The following L3MBTL4 variants were observed in gnomAD, a reference collection of about 807,000 sequenced individuals.
L3MBTL4 encodes lethal(3)malignant brain tumor-like protein 4.
L3MBTL4 carries 70 observed loss-of-function variants against 84.5 expected under a neutral mutation model. The observed-to-expected ratio is 0.83, with a 90% confidence interval of 0.68 to 1.01. L3MBTL4 has a LOEUF of 1.01. Among genes scored for constraint, L3MBTL4 ranks in the 50% least tolerant of loss-of-function variants. The pLI, the probability that L3MBTL4 is intolerant of heterozygous loss-of-function variation, is 0.00. For missense variants in L3MBTL4, 715 were observed against 754.8 expected, an observed-to-expected ratio of 0.95 and a Z score of 0.62; for synonymous variants, 274 against 259.8, an observed-to-expected ratio of 1.05 and a Z score of -0.52.
At chr18:6,222,961 A>G (rs1289593363) in intron 10 of L3MBTL4, among the ~76,000 whole-genome samples, 3 of 147,628 alleles carry the variant, frequency 2.0e-5, no homozygotes, top group Non-Finnish European at 3.0e-5. Context: ...ATAATATAAT[A>G]TAATATAATA....
At chr18:6,056,315 A>C (rs181790369) in intron 16 of L3MBTL4, among the ~76,000 whole-genome samples, 130 of 152,286 alleles carry the variant, frequency 8.5e-4, no homozygotes, top group Non-Finnish European at 1.3e-3. Flanking sequence ...TCAAAGTTTC[A>C]GCAGAAGTTT....
chr18:6,174,039 A>G (rs2044105785), intron 12 of L3MBTL4, among the ~76,000 whole-genome samples: 1 of 152,104 alleles, frequency 6.6e-6, no homozygotes, highest in African/African-American at 2.4e-5. Flanking sequence ...AAGATGCTCT[A>G]GATTAATAAT....
At chr18:6,193,385 G>C (rs1478297660) in intron 12 of L3MBTL4, among the ~76,000 whole-genome samples, 1 of 152,182 alleles carries the variant, frequency 6.6e-6, no homozygotes, top group Non-Finnish European at 1.5e-5. Flanking sequence ...GAGGGCTTTA[G>C]GGAGGGAAAG....
chr18:5,971,505 A>C (rs1328441928), intron 16 of L3MBTL4, among the ~76,000 whole-genome samples: 3 of 152,246 alleles, frequency 2.0e-5, no homozygotes, highest in Admixed American at 6.5e-5. Context: ...AGTTTCCAAA[A>C]TATATAGGAC....
At chr18:6,172,545 T>C (rs1292355447) in intron 12 of L3MBTL4, among the ~76,000 whole-genome samples, 1 of 152,072 alleles carries the variant, frequency 6.6e-6, no homozygotes, top group African/African-American at 2.4e-5. Context: ...TAAGAAATCT[T>C]CTGAAGAAGA....
chr18:6,382,976 C>A (rs1294682034), intron 1 of L3MBTL4, among the ~76,000 whole-genome samples: 1 of 152,294 alleles, frequency 6.6e-6, no homozygotes, highest in South Asian at 2.1e-4. Flanking sequence ...AAGTCCCTGA[C>A]TGGGGCTTTG....
Position 6,252,880 on chromosome 18 carries a change from T to A in L3MBTL4, c.220-8292A>T, listed in dbSNP as rs73385944. On this transcript the variant is annotated intron_variant, in intron 5 of 18. Coordinates refer to ENST00000317931, the MANE Select transcript of L3MBTL4 (RefSeq NM_001330559.2). ...TATTAAGAATCTGCCATATGCCATG[T>A]ACAGTGTCTAAGTCAACTACTTAAG... Among the ~76,000 whole-genome samples, 547 of 152,334 alleles carry A rather than the reference T, an allele frequency of 3.6e-3. 2 individuals are homozygous for A. Among genetic ancestry groups the A allele is most frequent in the African/African-American group, 0.012 (513 of 41,582 alleles).
chr18:6,239,101 G>A (rs1194033520), intron 9 of L3MBTL4, among the ~76,000 whole-genome samples: 11 of 152,028 alleles, frequency 7.2e-5, no homozygotes, highest in Non-Finnish European at 1.3e-4. Flanking sequence ...CAGCACTTTG[G>A]GAGGCCGAGG....
chr18:6,136,110 T>C (rs2060020083), intron 14 of L3MBTL4, among the ~76,000 whole-genome samples: 1 of 152,250 alleles, frequency 6.6e-6, no homozygotes, highest in Admixed American at 6.5e-5. Context: ...ACTTATTCAC[T>C]ATCACAAGAA....
intron 1 of L3MBTL4, chr18:6,397,042 C>A (rs576235834): frequency 6.6e-6 from 1 of 152,064 alleles, no homozygotes; most frequent in South Asian, 2.1e-4. Context: ...GCTGATGAAG[C>A]ATGAGTAGAG....
chr18:6,221,699 T>C (rs895884287), intron 10 of L3MBTL4, among the ~76,000 whole-genome samples: 5 of 152,216 alleles, frequency 3.3e-5, no homozygotes, highest in African/African-American at 1.2e-4. Flanking sequence ...ATTAGGATTA[T>C]GTGACTAGTA....
At chr18:6,263,760 G>A (rs1051660004) in intron 5 of L3MBTL4, among the ~76,000 whole-genome samples, 187 bp downstream of exon 5, 1 of 152,210 alleles carries the variant, frequency 6.6e-6, no homozygotes, top group Admixed American at 6.5e-5. Flanking sequence ...GAGCTGGCAG[G>A]TGGCGGCGCC....
intron 14 of L3MBTL4, among the ~76,000 whole-genome samples, chr18:6,134,282 T>C (rs2059963527): frequency 6.6e-6 from 1 of 152,116 alleles, no homozygotes; most frequent in Non-Finnish European, 1.5e-5. Context: ...TTCTGAGAGA[T>C]ACAATTCAAG....
At position 6,243,433 on chromosome 18, in the gene L3MBTL4, C is replaced by T; in HGVS notation, c.325-4G>A. Reference sequence around the variant, plus strand: ...GTCTTAGACGGTAACCACAAACCTGCAAGATAGAAAGTTTACAATCATTCG... The same window carrying T: ...GTCTTAGACGGTAACCACAAACCTGTAAGATAGAAAGTTTACAATCATTCG... On this transcript the variant is annotated splice_region_variant and splice_polypyrimidine_tract_variant and intron_variant, in intron 6 of 18. Coordinates refer to ENST00000317931, the MANE Select transcript of L3MBTL4 (RefSeq NM_001330559.2). 14 of 1,586,902 alleles carry T rather than the reference C, an allele frequency of 8.8e-6. No homozygotes were observed. Among genetic ancestry groups the T allele is most frequent in the Non-Finnish European group, 1.0e-5 (12 of 1,169,148 alleles).
At chr18:6,410,213 T>G (rs1276916032) in intron 1 of L3MBTL4, among the ~76,000 whole-genome samples, 1 of 152,220 alleles carries the variant, frequency 6.6e-6, no homozygotes, top group Non-Finnish European at 1.5e-5. Flanking sequence ...ACAAACCGCC[T>G]TAGGGGCTTC....
chr18:6,265,052 C>A (rs1244519642), intron 4 of L3MBTL4, among the ~76,000 whole-genome samples: 2 of 152,150 alleles, frequency 1.3e-5, no homozygotes, highest in Non-Finnish European at 2.9e-5. Context: ...TAATGATATA[C>A]TACTAAGTAG....
chr18:6,079,809 A>G (rs1156772065), intron 16 of L3MBTL4: 1 of 152,208 alleles, frequency 6.6e-6, no homozygotes, highest in Non-Finnish European at 1.5e-5. Flanking sequence ...AGTTTCTAAA[A>G]TATCAGTGAT....
At chr18:6,331,647 G>A (rs2052038783) in intron 1 of L3MBTL4, among the ~76,000 whole-genome samples, 1 of 152,100 alleles carries the variant, frequency 6.6e-6, no homozygotes, top group Non-Finnish European at 1.5e-5. Context: ...ATAAACTCGT[G>A]AGGAAATACG....
At chr18:5,972,821 T>C (rs1415859067) in intron 16 of L3MBTL4, among the ~76,000 whole-genome samples, 2 of 151,666 alleles carry the variant, frequency 1.3e-5, no homozygotes, top group African/African-American at 2.4e-5. Context: ...TTTCTAACTC[T>C]AAAATGGGGT....
Sources: allele counts gnomAD v4.1 joint callset (sites outside exome capture counted in the v4.1 genomes callset), GRCh38; gene constraint gnomAD v4.1.1; transcripts MANE v1.5; gene names NCBI Gene and HGNC (gene_info 2026-07-23, HGNC 2026-07-21).